The following GLE1 variants were observed in gnomAD, a reference collection of about 807,000 sequenced individuals.
GLE1 encodes the protein GLE1 RNA export mediator, also known as mRNA export factor GLE1.
A neutral mutation model predicts 97.3 loss-of-function variants in GLE1; 78 were observed. The observed-to-expected ratio is 0.80, with a 90% CI of 0.67 to 0.97. GLE1 has a LOEUF of 0.97. Ranked by LOEUF, GLE1 falls within the 50% of genes least tolerant of loss-of-function variation. GLE1 has a pLI of 0.00. For synonymous variants in GLE1, 302 were observed against 313.4 expected (o/e 0.96, Z 0.39); for missense variants, 753 against 857.5 (o/e 0.88, Z 1.52).
At position 128,523,622 on chromosome 9, in the gene GLE1, C is replaced by A. The variant is rs780020849; in HGVS notation, c.673C>A (p.Gln225Lys). 6 of 1,613,996 alleles carry A rather than the reference C, an allele frequency of 3.7e-6. No homozygotes were observed. The highest frequency in any genetic ancestry group is 4.2e-6 in the Non-Finnish European group (5 of 1,180,038). Reference sequence around the variant, plus strand: ...CAACCTGAAGCTGCGGGAAGCAGAGCAGCAGCGCGTGAAGCAAGCAGAACA... The same window carrying A: ...CAACCTGAAGCTGCGGGAAGCAGAGAAGCAGCGCGTGAAGCAAGCAGAACA... ...ILNLKLREAE[Q>K]QRVKQAEQER... is the part of the protein sequence containing the mutation. Residue 225 changes from glutamine (Q) to lysine (K), a missense_variant, in exon 6 of 16, where the codon CAG (glutamine) becomes AAG (lysine). Transcript: ENST00000309971.
At chr9:128,524,224 G>A (rs1036582079) in intron 6 of GLE1, among the ~76,000 whole-genome samples, 4 of 151,278 alleles carry the variant, frequency 2.6e-5, no homozygotes, top group Non-Finnish European at 1.5e-5. Context: ...GACTACAGGC[G>A]CATACCACCA....
At chr9:128,529,359 G>T (rs1847410621) in intron 9 of GLE1, among the ~76,000 whole-genome samples, 1 of 152,170 alleles carries the variant, frequency 6.6e-6, no homozygotes, top group Non-Finnish European at 1.5e-5. Context: ...ACTGGATGAG[G>T]CGTCCTTGCT....
chr9:128,530,946 C>A (rs1449404149), intron 9 of GLE1, among the ~76,000 whole-genome samples: 1 of 150,588 alleles, frequency 6.6e-6, no homozygotes, highest in Non-Finnish European at 1.5e-5. Context: ...CAGTGGCTCA[C>A]GCCTGTAATC....
intron 14 of GLE1, 108 bp from the exon 15 acceptor site, chr9:128,540,167 G>C: frequency 1.3e-6 from 1 of 796,422 alleles, no homozygotes; most frequent in South Asian, 1.4e-5. Flanking sequence ...GGTGAGCTAT[G>C]ATCGCACCAC....
Position 128,527,201 on chromosome 9 carries a change from C to T in GLE1, c.1152C>T (p.Asp384=). 6.2e-7 allele frequency: 1 copy of T among 1,603,318 alleles called. No homozygotes were observed. Among genetic ancestry groups the T allele is most frequent in the Non-Finnish European group, 8.5e-7 (1 of 1,170,114 alleles). ...CAGACCTCCAGGTGAAGGTACAAGA[C>T]ATTACAATGCAGTGGTACCAGCAGC... ...QNEDLQVKVQ[D]ITMQWYQQLQ... Residue 384 remains aspartate (D), a synonymous_variant, in exon 8 of 16, where the codon GAC becomes GAT. Coordinates refer to ENST00000309971, the MANE Select transcript of GLE1 (RefSeq NM_001003722.2).
At chr9:128,519,675 C>T (rs1445152592) in intron 3 of GLE1, among the ~76,000 whole-genome samples, 2 of 150,904 alleles carry the variant, frequency 1.3e-5, no homozygotes, top group East Asian at 1.9e-4. Flanking sequence ...CCTGTGATCT[C>T]GCGATCTCGC....
chr9:128,538,122 C>T (rs369098113), intron 13 of GLE1, 32 bp downstream of exon 13: 29 of 1,198,916 alleles, frequency 2.4e-5, no homozygotes, highest in Non-Finnish European at 3.6e-5. Context: ...CAAGAGAAGG[C>T]CAGTGGTTGA....
In GLE1 at chr9:128,533,741, A is replaced by G. The variant is rs1589070619; in HGVS notation, c.1456-20A>G. The G allele has an allele frequency of 1.2e-6, 2 of 1,613,390 alleles. No individual in the cohort carries two copies. Among genetic ancestry groups the G allele is most frequent in the South Asian group, 1.1e-5 (1 of 91,060 alleles). ...TTTTCTGGTATTAAGTTAAAATTGT[A>G]CCCACCTCTATGTTCTCAGAAACAA... On this transcript the variant is annotated intron_variant, in intron 10 of 15. Transcript: ENST00000309971.
intron 3 of GLE1, among the ~76,000 whole-genome samples, chr9:128,520,322 A>G (rs1490569882): frequency 1.4e-5 from 2 of 147,646 alleles, no homozygotes; most frequent in African/African-American, 2.5e-5. Flanking sequence ...GTATATATGT[A>G]TATGTGTGTA....
At chr9:128,529,579 AG>A (rs1847419443) in intron 9 of GLE1, among the ~76,000 whole-genome samples, 1 of 151,758 alleles carries the variant, frequency 6.6e-6, no homozygotes, top group Non-Finnish European at 1.5e-5. Context: ...GATCTTCCTG[AG>A]GTTTCTGTTC....
At chr9:128,520,966 T>C (rs552256839) in intron 3 of GLE1, among the ~76,000 whole-genome samples, 5 of 152,124 alleles carry the variant, frequency 3.3e-5, no homozygotes, top group African/African-American at 1.2e-4. Context: ...GTCTCTCTGT[T>C]GCCCAGGCTG....
Position 128,538,068 on chromosome 9 carries a change from C to T in GLE1, c.1859C>T (p.Thr620Ile). 1 of 1,603,184 alleles carries T rather than the reference C, an allele frequency of 6.2e-7. No homozygotes were observed. Among genetic ancestry groups the T allele is most frequent in the African/African-American group, 1.3e-5 (1 of 74,798 alleles). Residue 620 changes from threonine (T) to isoleucine (I), a missense_variant, in exon 13 of 16, where the codon ACC becomes ATC. Physicochemically the swap from Thr to Ile is moderately conservative, Grantham distance 89 (BLOSUM62 -1). Transcript: ENST00000309971. ...GAGCCCTTGTCAGATGTGACAGCCA[C>T]CCTCCTCTTTGACTTCCTGGAGGTA... is the stretch of plus-strand genomic sequence containing the variant. The part of the protein sequence containing the change: ...NMEPLSDVTA[T>I]LLFDFLEVCG...
chr9:128,528,373 G>A (rs1329906244), intron 9 of GLE1, among the ~76,000 whole-genome samples: 4 of 146,782 alleles, frequency 2.7e-5, no homozygotes, highest in African/African-American at 7.6e-5. Context: ...GCGCAATCTC[G>A]GCTCACTGCA....
chr9:128,515,099 G>A (rs572796264), intron 2 of GLE1, among the ~76,000 whole-genome samples: 6 of 152,222 alleles, frequency 3.9e-5, no homozygotes, highest in South Asian at 2.1e-4. Context: ...GATTACAGGC[G>A]TGAGCCACCA....
At chr9:128,517,485 T>G (rs1361328571) in intron 3 of GLE1, among the ~76,000 whole-genome samples, 5 of 152,160 alleles carry the variant, frequency 3.3e-5, no homozygotes, top group Non-Finnish European at 5.9e-5. Flanking sequence ...GTAAAATATT[T>G]GGAACATTGT....
intron 3 of GLE1, among the ~76,000 whole-genome samples, chr9:128,518,001 A>G (rs925806422): frequency 3.3e-5 from 5 of 152,160 alleles, no homozygotes; most frequent in Non-Finnish European, 7.3e-5. Context: ...TAGTAATCAG[A>G]TCAGAGATTC....
At chr9:128,519,968 C>T (rs929102148) in intron 3 of GLE1, among the ~76,000 whole-genome samples, 1 of 152,046 alleles carries the variant, frequency 6.6e-6, no homozygotes, top group African/African-American at 2.4e-5. Flanking sequence ...GCAGGTTCCC[C>T]AATAGGGCAC....
chr9:128,530,525 T>C (rs1256397722), intron 9 of GLE1, among the ~76,000 whole-genome samples: 1 of 152,222 alleles, frequency 6.6e-6, no homozygotes, highest in Non-Finnish European at 1.5e-5. Flanking sequence ...CTTTAAGATC[T>C]TGTAGTCCAG....
At chr9:128,537,374 A>G (rs936030592) in intron 12 of GLE1, among the ~76,000 whole-genome samples, 2 of 146,140 alleles carry the variant, frequency 1.4e-5, no homozygotes, top group Non-Finnish European at 3.0e-5. Context: ...AATCGCTTTA[A>G]CCCAGGAGGC....
Sources: gnomAD v4.1 joint callset for allele counts (sites outside exome capture counted in the v4.1 genomes callset) on GRCh38, gnomAD v4.1.1 for gene constraint, MANE v1.5 for transcripts, NCBI Gene and HGNC (gene_info 2026-07-23, HGNC 2026-07-21) for gene names.